DHX40: variants seen among roughly 807,000 people sequenced by gnomAD.
The protein encoded by DHX40 is DEAH-box helicase 40, also known as probable ATP-dependent RNA helicase DHX40.
Under a neutral mutation model 89.6 loss-of-function variants are expected in DHX40, and 28 were observed. That is an observed-to-expected ratio of 0.31 (90% CI 0.23 to 0.43). The LOEUF (loss-of-function observed/expected upper bound fraction) is 0.43, where lower values mean the gene tolerates loss of function less well. DHX40 is among the 20% of genes least tolerant of loss of function. DHX40 has a pLI of 1.00. For missense variants in DHX40, 457 were observed against 844.0 expected (o/e 0.54, Z 5.68); for synonymous variants, 226 against 283.6 (o/e 0.80, Z 2.04).
At position 59,573,773 on chromosome 17, in the gene DHX40, C is replaced by G; in HGVS notation, c.580C>G (p.Gln194Glu). The change falls in exon 5 of 18, where the codon CAG becomes GAG. Residue 194 changes from glutamine to glutamate, a missense_variant. By Grantham distance (29) the Gln-to-Glu change is conservative (BLOSUM62 2). Transcript: ENST00000251241. ...ILFGLLKKLF[Q>E]EKSPNRKEHL... ...ATTTGGTTTATTGAAGAAGCTATTTCAGGAGAAGTCTCCTAATAGGAAGGA... is the reference window on the plus strand; with the variant it reads ...ATTTGGTTTATTGAAGAAGCTATTTGAGGAGAAGTCTCCTAATAGGAAGGA... The G allele has an allele frequency of 6.2e-7, 1 of 1,613,958 alleles. No homozygotes were observed. Among genetic ancestry groups the G allele is most frequent in the Non-Finnish European group, 8.5e-7 (1 of 1,179,944 alleles).
Position 59,607,227 on chromosome 17 carries a change from T to A in DHX40, c.*55T>A. ...GAAAAGGAGCCAGGAAATGTGCTTC[T>A]ACTTTGCCAGTTATTTCAGACAGCA... On this transcript the variant is annotated 3_prime_UTR_variant, in exon 18 of 18. Transcript: ENST00000251241. The A allele has an allele frequency of 6.2e-7, 1 of 1,614,152 alleles. No homozygotes were observed.
At chr17:59,595,211 G>A (rs892081419) in intron 12 of DHX40, among the ~76,000 whole-genome samples, 1 of 151,670 alleles carries the variant, frequency 6.6e-6, no homozygotes, top group African/African-American at 2.4e-5. Context: ...AGCCTCCCGA[G>A]TAGCTGAGAT....
At chr17:59,605,753 A>C in intron 17 of DHX40, 79 bp downstream of exon 17, 1 of 1,387,772 alleles carries the variant, frequency 7.2e-7, no homozygotes, top group Non-Finnish European at 1.0e-6. Flanking sequence ...TTGTTTATAA[A>C]AATGTTGTGA....
chr17:59,603,719 T>A (rs2030677402), intron 15 of DHX40: 1 of 152,170 alleles, frequency 6.6e-6, no homozygotes, highest in Admixed American at 6.5e-5. Flanking sequence ...TTTTGTTAAT[T>A]ACAAAAGCAA....
Position 59,577,418 on chromosome 17 carries a change from A to G in DHX40, c.1073+53A>G, listed in dbSNP as rs1309846987. The G allele has an allele frequency of 4.1e-6, 6 of 1,448,636 alleles. No individual in the cohort carries two copies. The African/African-American group carries it at 5.6e-5, about 14-fold the overall frequency. 89.7% of individuals were successfully genotyped at this position (1,448,636 alleles called of 1,614,324 possible). On this transcript the variant is annotated intron_variant, in intron 8 of 17. Transcript: ENST00000251241. Reference sequence around the variant, plus strand: ...TCAAGGAAGCCTATCGTTACTAAACATTAGCTAAACATTACTGAGTTTGCT... The same window carrying G: ...TCAAGGAAGCCTATCGTTACTAAACGTTAGCTAAACATTACTGAGTTTGCT...
Position 59,565,775 on chromosome 17 carries a change from C to G in DHX40, c.104C>G (p.Ala35Gly). ...GAGCGGCTCTCGGCTGTTTGCATCG[C>G]CGATAGAGGTGCGGTCCGCGGGACG... ...QEERLSAVCI[A>G]DREEKGCTSQ... is the part of the protein sequence containing the mutation. Residue 35 changes from alanine (A) to glycine (G), a missense_variant, in exon 1 of 18, where the codon GCC becomes GGC. Physicochemically the swap from Ala to Gly is moderately conservative, Grantham distance 60. Coordinates refer to ENST00000251241, the MANE Select transcript of DHX40 (RefSeq NM_024612.5). The G allele has an allele frequency of 6.2e-7, 1 of 1,600,924 alleles. No individual in the cohort carries two copies.
intron 10 of DHX40, among the ~76,000 whole-genome samples, chr17:59,581,522 C>G (rs1395952087): frequency 4.2e-4 from 21 of 49,718 alleles, no homozygotes; most frequent in Non-Finnish European, 5.6e-4. Context: ...CGCCTGTAAT[C>G]CCAGCACTTT....
At chr17:59,587,813 T>A in intron 11 of DHX40, 83 bp from the exon 12 acceptor site, 1 of 1,543,182 alleles carries the variant, frequency 6.5e-7, no homozygotes, top group South Asian at 1.2e-5. Flanking sequence ...ACGTAAATTA[T>A]ATCTGATTTA....
intron 14 of DHX40, among the ~76,000 whole-genome samples, chr17:59,601,485 C>T (rs933945509): frequency 2.0e-5 from 3 of 152,020 alleles, no homozygotes; most frequent in African/African-American, 7.3e-5. Context: ...GTATATTTGT[C>T]ATCTCAGGTG....
rs1300166915 is a variant in DHX40 at position 59,607,251 on chromosome 17, C to G, written c.*79C>G. 6.2e-7 allele frequency: 1 copy of G among 1,613,744 alleles called. No homozygotes were observed. The highest frequency in any genetic ancestry group is 8.5e-7 in the Non-Finnish European group (1 of 1,179,910). On this transcript the variant is annotated 3_prime_UTR_variant, in exon 18 of 18. Coordinates refer to ENST00000251241, the MANE Select transcript of DHX40 (RefSeq NM_024612.5). ...CTACTTTGCCAGTTATTTCAGACAG[C>G]ACTACCAAGAGGAGGTGGTCAGCAC... is the stretch of plus-strand genomic sequence containing the variant.
intron 3 of DHX40, among the ~76,000 whole-genome samples, chr17:59,572,497 G>C (rs1247979640): frequency 6.6e-6 from 1 of 152,144 alleles, no homozygotes; most frequent in African/African-American, 2.4e-5. Flanking sequence ...TCCCGTCTCA[G>C]CCTCCCAAGT....
chr17:59,591,492 AC>A (rs2049082065), intron 12 of DHX40, among the ~76,000 whole-genome samples: 2 of 151,424 alleles, frequency 1.3e-5, no homozygotes, highest in Non-Finnish European at 3.0e-5. Flanking sequence ...GATTAAGGTG[AC>A]CAACTCTAAT....
chr17:59,588,234 A>C lies in DHX40; in HGVS notation c.1582+181A>C, dbSNP rs569383807. ...CCATCTCTACTAAAAAAAAAAAAAA[A>C]AAAAAAACCAAAAACAAAATTAATA... On this transcript the variant is annotated intron_variant, in intron 12 of 17. Coordinates refer to ENST00000251241, the MANE Select transcript of DHX40 (RefSeq NM_024612.5). Among the ~76,000 whole-genome samples, 6 of 148,962 alleles carry C rather than the reference A, an allele frequency of 4.0e-5. No homozygotes were observed. In the South Asian group the frequency reaches 1.0e-3, roughly 26 times the overall value.
intron 14 of DHX40, among the ~76,000 whole-genome samples, chr17:59,601,657 C>T (rs772531551): frequency 1.3e-5 from 2 of 152,124 alleles, no homozygotes; most frequent in African/African-American, 2.4e-5. Context: ...TAGATGTCCT[C>T]ATTATGGATT....
chr17:59,591,027 G>A (rs1218255013), intron 12 of DHX40, among the ~76,000 whole-genome samples: 2 of 151,138 alleles, frequency 1.3e-5, no homozygotes, highest in Non-Finnish European at 3.0e-5. Flanking sequence ...TTAAAAAATA[G>A]GCCAGGTGTG....
chr17:59,606,946 GA>G, intron 17 of DHX40, 86 bp from the exon 18 acceptor site: 1 of 1,285,010 alleles, frequency 7.8e-7, no homozygotes, highest in Non-Finnish European at 1.1e-6. Context: ...TGTTAACACT[GA>G]AAAATCAGGG....
chr17:59,586,609 T>TTGCA (rs2049000524), intron 11 of DHX40, among the ~76,000 whole-genome samples: 2 of 149,012 alleles, frequency 1.3e-5, no homozygotes, highest in Admixed American at 1.4e-4. Flanking sequence ...GAGCTTGCAG[T>TTGCA]GAGCCAAGAT....
chr17:59,604,661 G>C (rs2030734514), intron 15 of DHX40: 1 of 153,960 alleles, frequency 6.5e-6, no homozygotes, highest in Non-Finnish European at 1.4e-5. Flanking sequence ...TCAAGTTTTA[G>C]AGTAGTGAAA....
rs1410105518 is a variant in DHX40, at chr17:59,576,856, C to T, written c.974-410C>T. Among the ~76,000 whole-genome samples the T allele has an allele frequency of 3.3e-5, 5 of 151,436 alleles. No individual in the cohort carries two copies. In the East Asian group the frequency reaches 9.7e-4, roughly 29 times the overall value. On this transcript the variant is annotated intron_variant, in intron 7 of 17. Coordinates refer to ENST00000251241, the MANE Select transcript of DHX40 (RefSeq NM_024612.5). The stretch of plus-strand genomic sequence containing the variant: ...CATTGAAAATAATGTTCTGGATTTT[C>T]TCTTGCCTCTGTTTTTTTTTTTTTG...
Sources: gnomAD v4.1 joint callset for allele counts (sites outside exome capture counted in the v4.1 genomes callset) on GRCh38, gnomAD v4.1.1 for gene constraint, MANE v1.5 for transcripts, NCBI Gene and HGNC (gene_info 2026-07-23, HGNC 2026-07-21) for gene names.